HIPK2: variants seen among roughly 807,000 people sequenced by gnomAD.
HIPK2 encodes homeodomain-interacting protein kinase 2.
Under a neutral mutation model 113.7 loss-of-function variants are expected in HIPK2, and 27 were observed. The observed-to-expected ratio is 0.24, with a 90% CI of 0.17 to 0.33. The LOEUF is 0.33. Ranked by LOEUF, HIPK2 falls within the 10% of genes least tolerant of loss-of-function variation. HIPK2 has a pLI of 1.00. For synonymous variants in HIPK2, 631 were observed against 642.2 expected (o/e 0.98, Z 0.26); for missense variants, 1,257 against 1,588.0 (o/e 0.79, Z 3.54).
intron 2 of HIPK2, among the ~76,000 whole-genome samples, chr7:139,655,819 G>A (rs1203261818): frequency 6.6e-6 from 1 of 152,330 alleles, no homozygotes; most frequent in South Asian, 2.1e-4. Context: ...TTAGGGTCAA[G>A]AAGGCTCAGG....
At chr7:139,592,673 G>T (rs1021978527) in intron 12 of HIPK2, among the ~76,000 whole-genome samples, 1 of 152,252 alleles carries the variant, frequency 6.6e-6, no homozygotes, top group Non-Finnish European at 1.5e-5. Flanking sequence ...TAGCAGGGGG[G>T]TCTGGATCAG....
At chr7:139,656,508 G>C (rs1801674396) in intron 2 of HIPK2, among the ~76,000 whole-genome samples, 1 of 152,110 alleles carries the variant, frequency 6.6e-6, no homozygotes, top group Non-Finnish European at 1.5e-5. Context: ...CCCGATAACT[G>C]AAACAGTCTC....
intron 10 of HIPK2, among the ~76,000 whole-genome samples, chr7:139,603,044 G>A (rs1201514980): frequency 6.6e-6 from 1 of 152,128 alleles, no homozygotes; most frequent in East Asian, 1.9e-4. Context: ...GTGGGGAAGG[G>A]CCCAGGTACT....
chr7:139,751,437 A>G (rs538247469), intron 1 of HIPK2, among the ~76,000 whole-genome samples: 1 of 151,760 alleles, frequency 6.6e-6, no homozygotes, highest in East Asian at 1.9e-4. Flanking sequence ...GGAGTGAATG[A>G]TCTGGGCTAG....
rs534036486 is a variant in HIPK2, at chr7:139,724,638, G to A, written c.20-7623C>T. Among the ~76,000 whole-genome samples, 203 of 150,840 alleles carry A rather than the reference G, an allele frequency of 1.3e-3. 2 individuals are homozygous for A. The highest frequency in any genetic ancestry group is 7.3e-3 in the Admixed American group (110 of 15,138). On this transcript the variant is annotated intron_variant, in intron 1 of 14. Transcript: ENST00000406875. ...GCTGGTGTGCTGCACCCATTAACTC[G>A]TCATTTAGCATTAGGTATATCTCCT...
intron 2 of HIPK2, among the ~76,000 whole-genome samples, chr7:139,700,597 C>T (rs1794680684): frequency 6.6e-6 from 1 of 152,154 alleles, no homozygotes; most frequent in African/African-American, 2.4e-5. Context: ...TGCACGTTTA[C>T]AGTTAACCCT....
At chr7:139,617,642 T>C (rs1368335889) in intron 7 of HIPK2, among the ~76,000 whole-genome samples, 3 of 152,180 alleles carry the variant, frequency 2.0e-5, no homozygotes, top group Non-Finnish European at 4.4e-5. Flanking sequence ...TTTTAGAAAG[T>C]AGAGGAAGTC....
chr7:139,753,911 T>C (rs1461058800), intron 1 of HIPK2, among the ~76,000 whole-genome samples: 2 of 152,236 alleles, frequency 1.3e-5, no homozygotes, highest in African/African-American at 2.4e-5. Context: ...GGAGATATGA[T>C]ACTTGGAAAT....
At chr7:139,730,806 T>C (rs575174611) in intron 1 of HIPK2, among the ~76,000 whole-genome samples, 1 of 152,300 alleles carries the variant, frequency 6.6e-6, no homozygotes, top group African/African-American at 2.4e-5. Flanking sequence ...TTACAATAAA[T>C]TCATTAAGGT....
chr7:139,656,501 G>A (rs763678385), intron 2 of HIPK2, among the ~76,000 whole-genome samples: 3 of 152,116 alleles, frequency 2.0e-5, no homozygotes, highest in Admixed American at 6.6e-5. Context: ...GCCTGGGCCC[G>A]ATAACTGAAA....
chr7:139,663,454 G>A (rs1801936349), intron 2 of HIPK2, among the ~76,000 whole-genome samples: 1 of 152,176 alleles, frequency 6.6e-6, no homozygotes, highest in Non-Finnish European at 1.5e-5. Flanking sequence ...CCACTGTCCT[G>A]ACGTTCGGAT....
intron 2 of HIPK2, among the ~76,000 whole-genome samples, chr7:139,643,428 C>T (rs533527388): frequency 2.0e-5 from 3 of 151,932 alleles, no homozygotes; most frequent in Non-Finnish European, 2.9e-5. Context: ...ACTGATCCTT[C>T]GTTCTTAGTC....
At chr7:139,663,641 A>G (rs1329948209) in intron 2 of HIPK2, among the ~76,000 whole-genome samples, 2 of 152,232 alleles carry the variant, frequency 1.3e-5, no homozygotes, top group Non-Finnish European at 2.9e-5. Flanking sequence ...TAGGGATCCC[A>G]ACCCAACGGC....
At chr7:139,593,994 G>A (rs1175986447) in intron 12 of HIPK2, among the ~76,000 whole-genome samples, 1 of 151,914 alleles carries the variant, frequency 6.6e-6, no homozygotes, top group Non-Finnish European at 1.5e-5. Context: ...CCCCATGTAA[G>A]GGGAGATCCC....
intron 2 of HIPK2, among the ~76,000 whole-genome samples, chr7:139,663,344 G>T (rs1801932006): frequency 6.6e-6 from 1 of 152,194 alleles, no homozygotes; most frequent in South Asian, 2.1e-4. Flanking sequence ...TAGGAAGCGG[G>T]TTTACAGCTC....
chr7:139,655,453 G>A (rs1403633728), intron 2 of HIPK2, among the ~76,000 whole-genome samples: 1 of 152,220 alleles, frequency 6.6e-6, no homozygotes, highest in African/African-American at 2.4e-5. Context: ...GCTGTAGACA[G>A]AAGGCGTGTG....
In HIPK2 at chr7:139,717,001, CAT is replaced by C; in HGVS notation, c.32_33del (p.His11ArgfsTer16). The C allele has an allele frequency of 6.2e-7, 1 of 1,608,992 alleles. No individual in the cohort carries two copies. Among genetic ancestry groups the C allele is most frequent in the Non-Finnish European group, 8.5e-7 (1 of 1,175,738 alleles). On this transcript the variant is annotated frameshift_variant, in exon 2 of 15. Transcript: ENST00000406875. LOFTEE classifies it high-confidence loss of function. MAPVYEGMAS[H>X]VQVFSPHTLQ... ...AGGGTGTGAGGGGAGAAAACTTGCA[CAT>C]GTGAGGCCATACCTACAAGGAAAGG...
intron 1 of HIPK2, among the ~76,000 whole-genome samples, chr7:139,759,291 T>C (rs1796425293): frequency 6.6e-6 from 1 of 152,222 alleles, no homozygotes. Flanking sequence ...ACAGATTCCA[T>C]GGGTGATGTT....
At chr7:139,746,645 G>A (rs140826884) in intron 1 of HIPK2, among the ~76,000 whole-genome samples, 218 of 152,250 alleles carry the variant, frequency 1.4e-3, no homozygotes, top group Non-Finnish European at 2.7e-3. Flanking sequence ...AAATCTGCTG[G>A]AGGTTGACAA....
Sources: allele counts gnomAD v4.1 joint callset (sites outside exome capture counted in the v4.1 genomes callset), GRCh38; gene constraint gnomAD v4.1.1; transcripts MANE v1.5; gene names NCBI Gene and HGNC (gene_info 2026-07-23, HGNC 2026-07-21).